TOGARAM2: variants seen among roughly 807,000 people sequenced by gnomAD.
TOGARAM2 encodes TOG array regulator of axonemal microtubules 2, also known as TOG array regulator of axonemal microtubules protein 2.
A neutral mutation model predicts 93.3 loss-of-function variants in TOGARAM2; 85 were observed. The observed-to-expected ratio is 0.91, with a 90% CI of 0.76 to 1.09. The LOEUF (loss-of-function observed/expected upper bound fraction) is 1.09. Among genes scored for constraint, TOGARAM2 ranks in the 50% least tolerant of loss-of-function variants. The pLI is 0.00. For synonymous variants in TOGARAM2, 593 were observed against 552.8 expected, an observed-to-expected ratio of 1.07 and a Z score of -1.02; for missense variants, 1,277 against 1,334.5, an observed-to-expected ratio of 0.96 and a Z score of 0.67.
intron 13 of TOGARAM2, 104 bp from the exon 14 acceptor site, chr2:29,026,749 C>A: frequency 2.4e-6 from 3 of 1,258,970 alleles, no homozygotes; most frequent in Non-Finnish European, 3.1e-6. Flanking sequence ...GAGCCCCTGG[C>A]TGGCATGAAG....
chr2:29,051,800 C>A lies in TOGARAM2; in HGVS notation c.2767C>A (p.Arg923=), dbSNP rs766775148. The A allele has an allele frequency of 1.3e-6, 2 of 1,551,718 alleles. No homozygotes were observed. The highest frequency in any genetic ancestry group is 1.2e-5 in the South Asian group (1 of 83,398). ...CCCCCGGAAGCCTCAAGCTGTAGAG[C>A]GGCATGTCCTTCCCATCCTCTGGCA... The part of the protein sequence containing the change: ...VYPRKPQAVE[R]HVLPILWHFL... The change falls in exon 20 of 20, where the codon CGG becomes AGG. Residue 923 remains arginine, a synonymous_variant. Transcript: ENST00000379558.
At chr2:29,044,695 G>T (rs1019808039) in intron 18 of TOGARAM2, among the ~76,000 whole-genome samples, 1 of 151,926 alleles carries the variant, frequency 6.6e-6, no homozygotes, top group Non-Finnish European at 1.5e-5. Context: ...GGTTTTACTT[G>T]GCTCCTAGCT....
At chr2:28,964,997 A>G (rs1671849042) in intron 1 of TOGARAM2, among the ~76,000 whole-genome samples, 1 of 152,152 alleles carries the variant, frequency 6.6e-6, no homozygotes, top group South Asian at 2.1e-4. Context: ...TCCTTTGGGT[A>G]TATACCCAGT....
chr2:28,962,023 A>G (rs766070512), intron 1 of TOGARAM2, among the ~76,000 whole-genome samples: 3 of 152,204 alleles, frequency 2.0e-5, no homozygotes, highest in Non-Finnish European at 2.9e-5. Flanking sequence ...TAATATGACT[A>G]TAGTCAGAAG....
chr2:28,990,130 G>A (rs547332213), intron 1 of TOGARAM2, among the ~76,000 whole-genome samples: 25 of 152,266 alleles, frequency 1.6e-4, no homozygotes, highest in African/African-American at 6.0e-4. Flanking sequence ...ATGGGTAGCT[G>A]TTTCTTGTCC....
chr2:29,047,924 G>A (rs1213615207), intron 19 of TOGARAM2: 2 of 152,132 alleles, frequency 1.3e-5, no homozygotes, highest in African/African-American at 2.4e-5. Context: ...CCTTTGGTGG[G>A]GGTGGGGGTG....
At chr2:28,973,380 C>CTCCT (rs1414645407) in intron 1 of TOGARAM2, among the ~76,000 whole-genome samples, 3 of 52,806 alleles carry the variant, frequency 5.7e-5, no homozygotes, top group Admixed American at 2.3e-4. Context: ...CCTTCCCTTC[C>CTCCT]TTCCTTCTTT....
chr2:28,971,464 G>A (rs1318612425), intron 1 of TOGARAM2, among the ~76,000 whole-genome samples: 3 of 151,956 alleles, frequency 2.0e-5, no homozygotes, highest in Admixed American at 1.3e-4. Context: ...CTCCTGCCTC[G>A]GCCTCCCAAA....
chr2:28,976,369 TCAAAAACAA>T (rs1217065683), upstream of TOGARAM2, among the ~76,000 whole-genome samples: 3 of 143,342 alleles, frequency 2.1e-5, no homozygotes, highest in East Asian at 2.2e-4. Context: ...AGACTCCATC[TCAAAAACAA>T]CAACAACAAC....
Position 29,022,616 on chromosome 2 carries a change from C to A in TOGARAM2, c.1511+308C>A, listed in dbSNP as rs200793572. ...TGCATTTGATTCCACACCATGGGGCCCAGGAAGGCCGCAGCCCTTTATTTC... is the reference window on the plus strand; with the variant it reads ...TGCATTTGATTCCACACCATGGGGCACAGGAAGGCCGCAGCCCTTTATTTC... On this transcript the variant is annotated intron_variant, in intron 11 of 19. Coordinates refer to ENST00000379558, the MANE Select transcript of TOGARAM2 (RefSeq NM_199280.4). Among the ~76,000 whole-genome samples, 12 of 152,292 alleles carry A rather than the reference C, an allele frequency of 7.9e-5. No individual in the cohort carries two copies. In the East Asian group the frequency reaches 2.3e-3, roughly 29 times the overall value.
At chr2:28,977,847 T>TC (rs1439648339), upstream of TOGARAM2, among the ~76,000 whole-genome samples, 1 of 151,920 alleles carries the variant, frequency 6.6e-6, no homozygotes, top group Non-Finnish European at 1.5e-5. Flanking sequence ...CAGTAAGGAC[T>TC]CCCCTTGGGA....
At chr2:29,029,098 C>G (rs1665585119) in intron 14 of TOGARAM2, among the ~76,000 whole-genome samples, 1 of 152,186 alleles carries the variant, frequency 6.6e-6, no homozygotes, top group Non-Finnish European at 1.5e-5. Flanking sequence ...CCTGCAATCC[C>G]ACTACTGGGT....
intron 4 of TOGARAM2, among the ~76,000 whole-genome samples, chr2:29,000,739 A>G (rs1482766871): frequency 6.6e-6 from 1 of 152,008 alleles, no homozygotes; most frequent in Non-Finnish European, 1.5e-5. Context: ...CTCTCCCTGG[A>G]GCCGTGGGGT....
At chr2:29,001,067 G>T (rs1253384000) in intron 4 of TOGARAM2, among the ~76,000 whole-genome samples, 1 of 152,202 alleles carries the variant, frequency 6.6e-6, no homozygotes, top group Non-Finnish European at 1.5e-5. Context: ...GAGGGCCGGG[G>T]ATCTCTGGCC....
At chr2:28,990,658 C>T (rs1038351144) in intron 1 of TOGARAM2, among the ~76,000 whole-genome samples, 5 of 152,166 alleles carry the variant, frequency 3.3e-5, no homozygotes, top group South Asian at 2.1e-4. Flanking sequence ...GGAGCCTCTC[C>T]GGTGCCCTAG....
rs529526080 is a variant in TOGARAM2, at chr2:29,000,711, C to A, written c.427+1243C>A. On this transcript the variant is annotated intron_variant, in intron 4 of 19. Coordinates refer to ENST00000379558, the MANE Select transcript of TOGARAM2 (RefSeq NM_199280.4). ...CTGTTCTTCCCCTCCCCTGTGCAGACTGCTCCACCTGCTGAGCCTCTCCCT... is the reference window on the plus strand; with the variant it reads ...CTGTTCTTCCCCTCCCCTGTGCAGAATGCTCCACCTGCTGAGCCTCTCCCT... Among the ~76,000 whole-genome samples, 30 of 152,274 alleles carry A rather than the reference C, an allele frequency of 2.0e-4. No individual in the cohort carries two copies. In the East Asian group the frequency reaches 5.2e-3, roughly 27 times the overall value.
At chr2:29,005,992 T>TGTGGTGTGTGC (rs139827832) in intron 6 of TOGARAM2, among the ~76,000 whole-genome samples, 1 of 145,044 alleles carries the variant, frequency 6.9e-6, no homozygotes, top group Non-Finnish European at 1.5e-5. Flanking sequence ...AGTGCATGTG[T>TGTGGTGTGTGC]AGGGTGTGTA....
chr2:29,032,896 G>A, intron 14 of TOGARAM2, 38 bp from the exon 15 acceptor site: 1 of 1,554,856 alleles, frequency 6.4e-7, no homozygotes, highest in Non-Finnish European at 8.8e-7. Flanking sequence ...TTGCATTTCA[G>A]AGGCTGTTTC....
intron 8 of TOGARAM2, among the ~76,000 whole-genome samples, chr2:29,016,580 G>A (rs1213356118): frequency 1.3e-5 from 2 of 152,204 alleles, no homozygotes; most frequent in Non-Finnish European, 2.9e-5. Context: ...CCCACCAGTG[G>A]AAGGCAGATC....
Sources: allele counts gnomAD v4.1 joint callset (sites outside exome capture counted in the v4.1 genomes callset), GRCh38; gene constraint gnomAD v4.1.1; transcripts MANE v1.5; gene names NCBI Gene and HGNC (gene_info 2026-07-23, HGNC 2026-07-21).